The following RFPL2 variants were observed in gnomAD, a reference collection of about 807,000 sequenced individuals.
RFPL2 encodes ret finger protein like 2, also known as ret finger protein-like 2.
A neutral mutation model predicts 17.8 loss-of-function variants in RFPL2; 13 were observed. The ratio of observed to expected loss-of-function variants is 0.73; its 90% CI spans 0.47 to 1.16. The LOEUF (loss-of-function observed/expected upper bound fraction) is 1.16. Among genes scored for constraint, RFPL2 ranks in the 50% most tolerant of loss-of-function variants. RFPL2 has a pLI of 0.00. For missense variants in RFPL2, 431 were observed against 479.3 expected, an observed-to-expected ratio of 0.90 and a Z score of 0.94; for synonymous variants, 189 against 180.9, an observed-to-expected ratio of 1.04 and a Z score of -0.36.
chr22:32,193,251 T>A (rs1452486602), intron 3 of RFPL2, 59 bp from the exon 4 acceptor site: 2 of 1,613,580 alleles, frequency 1.2e-6, no homozygotes, highest in South Asian at 1.1e-5. Context: ...GCCTGTTAGT[T>A]GTGACAAGTG....
In RFPL2 at chr22:32,191,250, A is replaced by C. The variant is rs1421215155; in HGVS notation, c.659T>G (p.Leu220Arg). ...AACGGACACGTCAAATCTCTCGGCA[A>C]GGTCTTGCCGATTCTGTCTGATGCG... ...SGRIRQNRQD[L>R]AERFDVSVCI... Residue 220 changes from leucine to arginine, a missense_variant, in exon 5 of 5, where the codon CTT becomes CGT. Leu to Arg is a moderately radical substitution (Grantham distance 102). Coordinates refer to ENST00000652607, the MANE Select transcript of RFPL2 (RefSeq NM_001394555.1). 1.9e-6 allele frequency: 3 copies of C among 1,613,990 alleles called. No individual in the cohort carries two copies. The highest frequency in any genetic ancestry group is 2.5e-6 in the Non-Finnish European group (3 of 1,179,874).
intron 2 of RFPL2, among the ~76,000 whole-genome samples, chr22:32,197,370 C>T (rs868784066): frequency 2.6e-5 from 4 of 152,164 alleles, no homozygotes; most frequent in South Asian, 4.2e-4. Context: ...CTCACACCCA[C>T]AGTCCAGAAG....
Position 32,193,117 on chromosome 22 carries a change from A to C in RFPL2, c.341T>G (p.Leu114Arg), listed in dbSNP as rs1268449180. The C allele has an allele frequency of 6.2e-7, 1 of 1,613,986 alleles. No individual in the cohort carries two copies. The highest frequency in any genetic ancestry group is 1.7e-5 in the Admixed American group (1 of 60,022). ...CSDYLEKPMSLECGCAVCLKC... is the reference protein window; with the variant it reads ...CSDYLEKPMSRECGCAVCLKC... ...GAGGCAGACGGCGCATCCACACTCC[A>C]GGGACATTGGTTTTTCCAGATAGTC... The change falls in exon 4 of 5, where the codon CTG becomes CGG. Residue 114 changes from leucine to arginine, a missense_variant. Physicochemically the swap from Leu to Arg is moderately radical, Grantham distance 102 (BLOSUM62 -2). Coordinates refer to ENST00000652607, the MANE Select transcript of RFPL2 (RefSeq NM_001394555.1).
intron 1 of RFPL2, among the ~76,000 whole-genome samples, chr22:32,203,824 C>G (rs57468334): frequency 0.15 from 22,128 of 151,510 alleles, 1,831 homozygotes; most frequent in African/African-American, 0.17. Flanking sequence ...CACTGACCCC[C>G]GCCGCTGTGG....
intron 2 of RFPL2, among the ~76,000 whole-genome samples, chr22:32,197,959 G>T (rs1443927214): frequency 6.6e-6 from 1 of 152,114 alleles, no homozygotes; most frequent in Non-Finnish European, 1.5e-5. Flanking sequence ...CTCCCTGGAG[G>T]TTGAGGCTGG....
chr22:32,194,049 A>G (rs136482), intron 3 of RFPL2, among the ~76,000 whole-genome samples: 85,561 of 151,294 alleles, frequency 0.57, 27,090 homozygotes, highest in African/African-American at 0.86. Context: ...GATCACGCCA[A>G]GTCACTCCAA....
chr22:32,202,687 G>A (rs1424502603), intron 1 of RFPL2, 137 bp from the exon 2 acceptor site: 1 of 1,338,654 alleles, frequency 7.5e-7, no homozygotes, highest in Non-Finnish European at 9.6e-7. Flanking sequence ...AAGCTGGCCA[G>A]GAACTGCGGC....
At chr22:32,196,590 G>A (rs1923359395) in intron 2 of RFPL2, among the ~76,000 whole-genome samples, 1 of 152,252 alleles carries the variant, frequency 6.6e-6, no homozygotes, top group South Asian at 2.1e-4. Context: ...TGTAAAGACA[G>A]AGTCCAGTCC....
In RFPL2 at chr22:32,191,450, C is replaced by T. The variant is rs1018309044; in HGVS notation, c.557-98G>A. 3.5e-6 allele frequency: 5 copies of T among 1,416,706 alleles called. No individual in the cohort carries two copies. In the Admixed American group the frequency reaches 1.2e-4, roughly 34 times the overall value. The allele number at this position is 1,416,706 out of a possible 1,614,324, so 87.8% of individuals were successfully genotyped here. On this transcript the variant is annotated intron_variant, in intron 4 of 4. Coordinates refer to ENST00000652607, the MANE Select transcript of RFPL2 (RefSeq NM_001394555.1). The stretch of plus-strand genomic sequence containing the variant: ...CCCAAATATCTCTTGACTTTAGTTT[C>T]TTTAATTCTCTTCTTCCCCCAAAAT...
intron 2 of RFPL2, among the ~76,000 whole-genome samples, chr22:32,202,127 C>T (rs1386274701): frequency 1.3e-5 from 2 of 152,122 alleles, no homozygotes; most frequent in East Asian, 1.9e-4. Flanking sequence ...CTTCTAACTA[C>T]AAAGCCAGAG....
In RFPL2 at chr22:32,190,776, T is replaced by C; in HGVS notation, c.1133A>G (p.Lys378Arg). 6.6e-7 allele frequency: 1 copy of C among 1,507,190 alleles called. No individual in the cohort carries two copies. The highest frequency in any genetic ancestry group is 8.9e-7 in the Non-Finnish European group (1 of 1,128,552). The allele number at this position is 1,507,190 out of a possible 1,614,324, so 93.4% of individuals were successfully genotyped here. The change falls in exon 5 of 5, where the codon AAA becomes AGA. Residue 378 changes from lysine (K) to arginine (R), a missense_variant. Physicochemically the swap from Lys to Arg is conservative, Grantham distance 26. Coordinates refer to ENST00000652607, the MANE Select transcript of RFPL2 (RefSeq NM_001394555.1). ...TTGTTTTTTTGGAGTGAGGGCTTATTTGGCCTCCCCAGGACGGACTGGAGC... is the reference window on the plus strand; with the variant it reads ...TTGTTTTTTTGGAGTGAGGGCTTATCTGGCCTCCCCAGGACGGACTGGAGC... Reference protein sequence around the residue: ...TDAPVRPGEAK With the variant: ...TDAPVRPGEAR
At chr22:32,203,898 T>G (rs1364153356) in intron 1 of RFPL2, among the ~76,000 whole-genome samples, 2 of 132,296 alleles carry the variant, frequency 1.5e-5, no homozygotes, top group Non-Finnish European at 3.2e-5. Flanking sequence ...CACGCACTAC[T>G]GCTCCTTACA....
intron 2 of RFPL2, 92 bp downstream of exon 2, chr22:32,202,241 C>A: frequency 6.7e-7 from 1 of 1,482,032 alleles, no homozygotes. Context: ...CCCACATCTC[C>A]TCCTCTCACT....
At chr22:32,195,093 C>T (rs956078766) in intron 2 of RFPL2, among the ~76,000 whole-genome samples, 2 of 152,148 alleles carry the variant, frequency 1.3e-5, no homozygotes, top group African/African-American at 4.8e-5. Flanking sequence ...GAATCAACCC[C>T]GAATCTTTTC....
chr22:32,198,756 C>G (rs1001597855), intron 2 of RFPL2, among the ~76,000 whole-genome samples: 1 of 152,064 alleles, frequency 6.6e-6, no homozygotes, highest in Non-Finnish European at 1.5e-5. Flanking sequence ...AGATCCCTGC[C>G]TCAGTGGGTC....
chr22:32,191,879 G>C (rs1922696538), intron 4 of RFPL2, among the ~76,000 whole-genome samples: 1 of 151,766 alleles, frequency 6.6e-6, no homozygotes, highest in Non-Finnish European at 1.5e-5. Context: ...AGGAGGCAAT[G>C]TGATCTGGCC....
chr22:32,194,259 C>T (rs1923070792), intron 3 of RFPL2, 86 bp downstream of exon 3: 10 of 1,467,326 alleles, frequency 6.8e-6, no homozygotes, highest in Middle Eastern at 4.7e-4. Context: ...TCATTAATTA[C>T]GAATTTCTCT....
chr22:32,202,355 T>G lies in RFPL2; in HGVS notation c.97A>C (p.Met33Leu). ...CACCTCAGGCTCCTTATCACCATCA[T>G]GTCTGCAAAGTCCCAGTGGCCACAC... ...VLCGHWDFADMMVIRSLSLIR... is the reference protein window; with the variant it reads ...VLCGHWDFADLMVIRSLSLIR... Residue 33 changes from methionine to leucine, a missense_variant, in exon 2 of 5, where the codon ATG becomes CTG. Coordinates refer to ENST00000652607, the MANE Select transcript of RFPL2 (RefSeq NM_001394555.1). 1 of 1,603,454 alleles carries G rather than the reference T, an allele frequency of 6.2e-7. No homozygotes were observed. Among genetic ancestry groups the G allele is most frequent in the South Asian group, 1.1e-5 (1 of 88,352 alleles).
At chr22:32,198,683 C>T (rs544743430) in intron 2 of RFPL2, among the ~76,000 whole-genome samples, 1 of 151,970 alleles carries the variant, frequency 6.6e-6, no homozygotes. Flanking sequence ...GTAAAGCTTT[C>T]TCCAGGGAGA....
Sources: gnomAD v4.1 joint callset for allele counts (sites outside exome capture counted in the v4.1 genomes callset) on GRCh38, gnomAD v4.1.1 for gene constraint, MANE v1.5 for transcripts, NCBI Gene and HGNC (gene_info 2026-07-23, HGNC 2026-07-21) for gene names.